Variants in STAT4 observed in about 807,000 individuals in gnomAD.
STAT4 encodes signal transducer and activator of transcription 4.
In STAT4, 42 loss-of-function variants were observed where a neutral mutation model predicts 110.5. That is an observed-to-expected ratio of 0.38 (90% confidence interval 0.30 to 0.49). The LOEUF (loss-of-function observed/expected upper bound fraction) is 0.49, where lower values mean the gene tolerates loss of function less well. Ranked by LOEUF, STAT4 falls within the 20% of genes least tolerant of loss-of-function variation. The probability of loss-of-function intolerance (pLI) is 0.95; values close to 1 mark genes in which losing one functional copy is unlikely to be tolerated. For synonymous variants in STAT4, 284 were observed against 302.2 expected, an observed-to-expected ratio of 0.94 and a Z score of 0.63; for missense variants, 632 against 887.9, an observed-to-expected ratio of 0.71 and a Z score of 3.66.
At chr2:191,088,955 G>A (rs1209334960) in intron 3 of STAT4, among the ~76,000 whole-genome samples, 1 of 152,136 alleles carries the variant, frequency 6.6e-6, no homozygotes, top group Admixed American at 6.5e-5. Context: ...GTGAACCACA[G>A]ACTTAAATGT....
rs551764113 is a variant in STAT4 at position 191,143,112 on chromosome 2, A to G, written c.273+3501T>C. Among the ~76,000 whole-genome samples the G allele has an allele frequency of 9.8e-5, 15 of 152,304 alleles. No homozygotes were observed. Among genetic ancestry groups the G allele is most frequent in the East Asian group, 9.6e-4 (5 of 5,184 alleles). On this transcript the variant is annotated intron_variant, in intron 3 of 23. Transcript: ENST00000392320. This position sits in a 1 kb window ranked among gnomAD's most constrained non-coding sequence, Gnocchi z 5.6. ...ATATGAGAACTTCACTTTCTGCTCA[A>G]TTTTTCTGTAAACCTAAAACTACTC...
chr2:191,122,308 A>G (rs1338634965), intron 3 of STAT4, among the ~76,000 whole-genome samples: 1 of 143,694 alleles, frequency 7.0e-6, no homozygotes, highest in Non-Finnish European at 1.5e-5. Context: ...CACTAGACAC[A>G]CCCTGAATTC....
rs1051160607 is a variant in STAT4 at position 191,035,210 on chromosome 2, A to C, written c.1571-613T>G. Among the ~76,000 whole-genome samples the C allele has an allele frequency of 3.3e-5, 5 of 152,268 alleles. No individual in the cohort carries two copies. Among genetic ancestry groups the C allele is most frequent in the African/African-American group, 1.2e-4 (5 of 41,478 alleles). On this transcript the variant is annotated intron_variant, in intron 17 of 23. Transcript: ENST00000392320. The surrounding 1 kb of genome is among the most constrained non-coding windows in gnomAD (Gnocchi z 4.7). ...GTCTGAAAGGATATGGTTTCTATCT[A>C]TACTACATGTTTAAAAGCTTTAGTC...
At chr2:191,105,993 C>T (rs1308977020) in intron 3 of STAT4, among the ~76,000 whole-genome samples, 3 of 152,140 alleles carry the variant, frequency 2.0e-5, no homozygotes, top group African/African-American at 7.2e-5. Context: ...GTGAAGACGA[C>T]AGGGGAAAGA....
intron 3 of STAT4, among the ~76,000 whole-genome samples, chr2:191,101,630 G>C (rs1232745249): frequency 1.3e-5 from 2 of 151,894 alleles, no homozygotes; most frequent in African/African-American, 4.8e-5. Context: ...ATTCATTTAT[G>C]GTTTTCATAT....
At position 191,031,142 on chromosome 2, in the gene STAT4, C is replaced by T. The variant is rs1559035088; in HGVS notation, c.2112-62G>A. The T allele has an allele frequency of 6.5e-7, 1 of 1,533,630 alleles. No homozygotes were observed. Among genetic ancestry groups the T allele is most frequent in the African/African-American group, 1.4e-5 (1 of 73,054 alleles). On this transcript the variant is annotated intron_variant, in intron 22 of 23. Coordinates refer to ENST00000392320, the MANE Select transcript of STAT4 (RefSeq NM_003151.4). This position sits in a 1 kb window ranked among gnomAD's most constrained non-coding sequence, Gnocchi z 4.8. ...AAAAAATAATAATAGTTCACGGTGA[C>T]TTACTATGTCAGGAACTCATTTCTA...
chr2:191,120,577 G>A (rs1191651370), intron 3 of STAT4, among the ~76,000 whole-genome samples: 1 of 152,022 alleles, frequency 6.6e-6, no homozygotes, highest in African/African-American at 2.4e-5. Context: ...TATTTCTGAG[G>A]GTTCTGTTCT....
intron 14 of STAT4, among the ~76,000 whole-genome samples, chr2:191,047,963 G>A (rs1474857122): frequency 6.6e-6 from 1 of 152,180 alleles, no homozygotes; most frequent in African/African-American, 2.4e-5. Context: ...AACACGCCTG[G>A]TCTATAGTTT....
chr2:191,068,922 G>A (rs1248844825), intron 6 of STAT4, among the ~76,000 whole-genome samples: 3 of 151,964 alleles, frequency 2.0e-5, no homozygotes, highest in African/African-American at 4.8e-5. Context: ...ACACCTAGTT[G>A]TAAACAATTT....
chr2:191,132,164 G>T (rs1270427125), intron 3 of STAT4, among the ~76,000 whole-genome samples: 2 of 151,722 alleles, frequency 1.3e-5, no homozygotes, highest in Non-Finnish European at 2.9e-5. Context: ...CTAGTAAGTT[G>T]TTCGATCCTA....
chr2:191,085,897 T>C (rs769423792), intron 3 of STAT4, among the ~76,000 whole-genome samples: 4 of 152,214 alleles, frequency 2.6e-5, no homozygotes, highest in African/African-American at 7.2e-5. Flanking sequence ...GATTCTTTTT[T>C]TGTTTTTCAA....
At chr2:191,149,520 C>T (rs759699844) in intron 1 of STAT4, among the ~76,000 whole-genome samples, 83 of 152,126 alleles carry the variant, frequency 5.5e-4, no homozygotes, top group Non-Finnish European at 9.6e-4. Context: ...AGTGGCACTC[C>T]TGACATTGCT....
chr2:191,093,009 T>C (rs1697845799), intron 3 of STAT4, among the ~76,000 whole-genome samples: 1 of 152,166 alleles, frequency 6.6e-6, no homozygotes, highest in Non-Finnish European at 1.5e-5. Context: ...CATCTGCCAT[T>C]GCTGAGGCTT....
chr2:191,097,279 T>G (rs940583191), intron 3 of STAT4, among the ~76,000 whole-genome samples: 9 of 152,066 alleles, frequency 5.9e-5, no homozygotes, highest in Admixed American at 5.9e-4. Context: ...CTTTGAAGTT[T>G]TTATGGAACC....
rs1439182208 is a variant in STAT4 at position 191,033,205 on chromosome 2, C to T, written c.1853-56G>A. ...GGTTCCTGTACACATTCCTTGTGAC[C>T]ATTTCTTCCCTGCCCACATTATCTT... On this transcript the variant is annotated intron_variant, in intron 20 of 23. Transcript: ENST00000392320. This position sits in a 1 kb window ranked among gnomAD's most constrained non-coding sequence, Gnocchi z 6.9. The T allele has an allele frequency of 6.5e-7, 1 of 1,535,732 alleles. No individual in the cohort carries two copies. Among genetic ancestry groups the T allele is most frequent in the Non-Finnish European group, 8.8e-7 (1 of 1,131,016 alleles).
In STAT4 at chr2:191,066,590, A is replaced by G; in HGVS notation, c.545-75T>C. The G allele has an allele frequency of 7.2e-7, 1 of 1,383,436 alleles. No homozygotes were observed. Among genetic ancestry groups the G allele is most frequent in the South Asian group, 1.2e-5 (1 of 82,508 alleles). 85.7% of individuals were successfully genotyped at this position (1,383,436 alleles called of 1,614,324 possible). On this transcript the variant is annotated intron_variant, in intron 6 of 23. Coordinates refer to ENST00000392320, the MANE Select transcript of STAT4 (RefSeq NM_003151.4). The surrounding 1 kb of genome is among the most constrained non-coding windows in gnomAD (Gnocchi z 4.3). ...CAAGTCAGCCTCAATCCACCATCCTAAAACAGCCCTGGCCCGGAGAACTTA... is the reference window on the plus strand; with the variant it reads ...CAAGTCAGCCTCAATCCACCATCCTGAAACAGCCCTGGCCCGGAGAACTTA...
At position 191,140,858 on chromosome 2, in the gene STAT4, GTAGA is replaced by G. The variant is rs1473258201; in HGVS notation, c.273+5751_273+5754del. On this transcript the variant is annotated intron_variant, in intron 3 of 23. Transcript: ENST00000392320. This position sits in a 1 kb window ranked among gnomAD's most constrained non-coding sequence, Gnocchi z 4.4. ...AACCTAAGTGTCCATCAACCAATGA[GTAGA>G]TAAAGAAAATGTGGTATATATACAC... 6.6e-6 allele frequency among the ~76,000 whole-genome samples: 1 copy of G among 152,086 alleles called. No individual in the cohort carries two copies. Among genetic ancestry groups the G allele is most frequent in the African/African-American group, 2.4e-5 (1 of 41,390 alleles).
In STAT4 at chr2:191,082,134, T is replaced by G. The variant is rs950414386; in HGVS notation, c.274-5809A>C. On this transcript the variant is annotated intron_variant, in intron 3 of 23. Transcript: ENST00000392320. This position sits in a 1 kb window ranked among gnomAD's most constrained non-coding sequence, Gnocchi z 4.7. ...GTATGACAGGCAATCTTTTTTGCAT[T>G]AATTTCAGTAACAAAATATAATACA... Among the ~76,000 whole-genome samples the G allele has an allele frequency of 2.0e-5, 3 of 152,192 alleles. No homozygotes were observed. Among genetic ancestry groups the G allele is most frequent in the African/African-American group, 7.2e-5 (3 of 41,454 alleles).
In STAT4 at chr2:191,069,748, G is replaced by A; in HGVS notation, c.489C>T (p.Tyr163=). The change falls in exon 6 of 24, where the codon TAC becomes TAT. Residue 163 remains tyrosine, a synonymous_variant. Transcript: ENST00000392320. ...SVQMTEQDTK[Y]LEDLQDEFDY... is the part of the protein sequence containing the mutation. ...CAAATTCGTCTTGCAGATCTTCTAA[G>A]TATTTGGTATCTTGTTCTGTCATCT... The A allele has an allele frequency of 1.2e-6, 2 of 1,609,326 alleles. No homozygotes were observed. Among genetic ancestry groups the A allele is most frequent in the Non-Finnish European group, 1.7e-6 (2 of 1,178,266 alleles).
Sources: allele counts gnomAD v4.1 joint callset (sites outside exome capture counted in the v4.1 genomes callset), GRCh38; gene constraint gnomAD v4.1.1; non-coding constraint Gnocchi (gnomAD v3.1); transcripts MANE v1.5; gene names NCBI Gene and HGNC (gene_info 2026-07-23, HGNC 2026-07-21).